Variants in CLVS1 observed in about 807,000 individuals in gnomAD.
CLVS1 encodes clavesin 1, also known as clavesin-1.
Under a neutral mutation model 33.1 loss-of-function variants are expected in CLVS1, and 10 were observed. The ratio of observed to expected loss-of-function variants is 0.30; its 90% CI spans 0.19 to 0.51. The LOEUF is 0.51. Ranked by LOEUF, CLVS1 falls within the 20% of genes least tolerant of loss-of-function variation. The pLI is 0.97. For synonymous variants in CLVS1, 163 were observed against 166.1 expected, an observed-to-expected ratio of 0.98 and a Z score of 0.14; for missense variants, 343 against 433.4, an observed-to-expected ratio of 0.79 and a Z score of 1.85.
chr8:61,371,396 T>C (rs1813431975), intron 2 of CLVS1, among the ~76,000 whole-genome samples: 1 of 152,224 alleles, frequency 6.6e-6, no homozygotes, highest in Admixed American at 6.5e-5. Flanking sequence ...ATATTAGTCC[T>C]TTATTAGTTG....
chr8:61,341,625 A>G (rs1812032751), intron 2 of CLVS1, among the ~76,000 whole-genome samples: 2 of 152,138 alleles, frequency 1.3e-5, no homozygotes, highest in South Asian at 2.1e-4. Flanking sequence ...CGGCAATCCA[A>G]GCTGATTTGT....
At chr8:61,353,632 A>C (rs1334463782) in intron 2 of CLVS1, among the ~76,000 whole-genome samples, 1 of 151,814 alleles carries the variant, frequency 6.6e-6, no homozygotes, top group Non-Finnish European at 1.5e-5. Flanking sequence ...TGTTGATATT[A>C]GGAATAAGGA....
intron 5 of CLVS1, among the ~76,000 whole-genome samples, chr8:61,476,593 CTGTT>C (rs1417986343): frequency 2.0e-5 from 3 of 152,224 alleles, no homozygotes; most frequent in African/African-American, 4.8e-5. Context: ...ATTTGGCTCT[CTGTT>C]TGTCTATTAT....
Position 61,500,930 on chromosome 8 carries a change from A to C in CLVS1, c.*1388A>C, listed in dbSNP as rs1804775637. 2 of 152,136 alleles carry C rather than the reference A, an allele frequency of 1.3e-5. No individual in the cohort carries two copies. Among genetic ancestry groups the C allele is most frequent in the Admixed American group, 6.5e-5 (1 of 15,270 alleles). The allele number at this position is 152,136 out of a possible 1,614,324, so 9.4% of individuals were successfully genotyped here. On this transcript the variant is annotated 3_prime_UTR_variant, in exon 6 of 6. Transcript: ENST00000325897. ...CCCTGATAATATTATTACTAATCTT[A>C]ATTATTTATTACATCATCTCTTTCT...
intron 2 of CLVS1, chr8:61,202,726 GAAGAT>G: frequency 6.3e-7 from 1 of 1,576,730 alleles, no homozygotes; most frequent in Non-Finnish European, 8.6e-7. Flanking sequence ...TGCAGAGTCA[GAAGAT>G]GAAGAGGAGG....
chr8:61,283,949 A>G (rs184387396), upstream of CLVS1, among the ~76,000 whole-genome samples: 27 of 152,332 alleles, frequency 1.8e-4, no homozygotes, highest in African/African-American at 6.0e-4. Context: ...GAAGTAAGTT[A>G]TTCCAATATA....
intron 2 of CLVS1, among the ~76,000 whole-genome samples, chr8:61,240,693 G>A (rs1161644239): frequency 6.6e-6 from 1 of 152,030 alleles, no homozygotes. Context: ...TGATTTGTGT[G>A]CACTGTAGTA....
At chr8:61,263,667 T>C (rs1263905334) in intron 2 of CLVS1, among the ~76,000 whole-genome samples, 1 of 152,240 alleles carries the variant, frequency 6.6e-6, no homozygotes, top group Non-Finnish European at 1.5e-5. Context: ...CTAGGTGTCC[T>C]GAGCAGGCAT....
At chr8:61,225,079 G>A (rs940832840) in intron 2 of CLVS1, among the ~76,000 whole-genome samples, 2 of 152,230 alleles carry the variant, frequency 1.3e-5, no homozygotes, top group Non-Finnish European at 2.9e-5. Context: ...CACTTTGGGA[G>A]GCTGAGGCGG....
At chr8:61,257,676 A>G (rs1055027259) in intron 2 of CLVS1, among the ~76,000 whole-genome samples, 1 of 152,176 alleles carries the variant, frequency 6.6e-6, no homozygotes, top group Non-Finnish European at 1.5e-5. Flanking sequence ...AAAAAGCTGA[A>G]TAATTAAGAG....
chr8:61,259,855 C>T (rs1235440848), intron 2 of CLVS1, among the ~76,000 whole-genome samples: 1 of 152,226 alleles, frequency 6.6e-6, no homozygotes, highest in African/African-American at 2.4e-5. Context: ...TATATCCCTG[C>T]ATGCAGAGGG....
intron 1 of CLVS1, among the ~76,000 whole-genome samples, chr8:61,061,657 C>T (rs911525944): frequency 7.2e-5 from 11 of 151,974 alleles, no homozygotes; most frequent in African/African-American, 2.7e-4. Flanking sequence ...CTGATTCGCT[C>T]ACATGGGAGT....
chr8:60,971,101 A>T, the CLVS1 span, among the ~76,000 whole-genome samples: 65 of 112,556 alleles, frequency 5.8e-4, no homozygotes, highest in Admixed American at 1.1e-3. Flanking sequence ...TTTGAGACAG[A>T]GTCTGACTCT....
the CLVS1 span, among the ~76,000 whole-genome samples, chr8:60,973,217 T>G: frequency 6.6e-6 from 1 of 152,192 alleles, no homozygotes; most frequent in Non-Finnish European, 1.5e-5. Context: ...CAAGTTAAAG[T>G]TGATTTAAAA....
chr8:61,496,479 A>G (rs1804271400), intron 5 of CLVS1, among the ~76,000 whole-genome samples: 1 of 152,040 alleles, frequency 6.6e-6, no homozygotes, highest in South Asian at 2.1e-4. Flanking sequence ...CCCCACATGC[A>G]CACTGGGCCT....
the CLVS1 span, among the ~76,000 whole-genome samples, chr8:60,969,672 T>C: frequency 6.6e-6 from 1 of 152,184 alleles, no homozygotes; most frequent in South Asian, 2.1e-4. Context: ...TTAGTTCTTA[T>C]TGGTTTTATG....
chr8:61,376,452 A>G (rs1041136138), intron 2 of CLVS1, among the ~76,000 whole-genome samples, 153 bp from the exon 3 acceptor site: 1 of 152,166 alleles, frequency 6.6e-6, no homozygotes, highest in African/African-American at 2.4e-5. Context: ...AGTTTAGCAA[A>G]TGTATTTTCA....
intron 5 of CLVS1, among the ~76,000 whole-genome samples, chr8:61,495,576 TAG>T (rs1182181633): frequency 6.6e-6 from 1 of 152,088 alleles, no homozygotes; most frequent in Non-Finnish European, 1.5e-5. Context: ...AGGATGGAGA[TAG>T]ATTGGAAACA....
chr8:61,376,986 G>A, intron 3 of CLVS1: 1 of 495,454 alleles, frequency 2.0e-6, no homozygotes, highest in East Asian at 3.2e-5. Context: ...CCAAATTACT[G>A]TTACCCCAGG....
Sources: allele counts gnomAD v4.1 joint callset (sites outside exome capture counted in the v4.1 genomes callset), GRCh38; gene constraint gnomAD v4.1.1; transcripts MANE v1.5; gene names NCBI Gene and HGNC (gene_info 2026-07-23, HGNC 2026-07-21).